The following KMT2C variants were observed in gnomAD, a reference collection of about 807,000 sequenced individuals.
KMT2C encodes the protein histone-lysine N-methyltransferase 2C.
In KMT2C, 88 loss-of-function variants were observed where a neutral mutation model predicts 507.9. The ratio of observed to expected loss-of-function variants is 0.17; its 90% confidence interval spans 0.15 to 0.21. KMT2C has a LOEUF of 0.21. Ranked by LOEUF, KMT2C falls within the 10% of genes least tolerant of loss-of-function variation. The pLI is 1.00. For synonymous variants in KMT2C, 2,049 were observed against 2,080.8 expected, an observed-to-expected ratio of 0.98 and a Z score of 0.42; for missense variants, 4,954 against 5,957.8, an observed-to-expected ratio of 0.83 and a Z score of 5.55.
At chr7:152,431,262 T>C (rs889702708) in intron 1 of KMT2C, among the ~76,000 whole-genome samples, 10 of 152,224 alleles carry the variant, frequency 6.6e-5, no homozygotes, top group Non-Finnish European at 1.2e-4. Flanking sequence ...AAACAATATA[T>C]AAATTTGTAT....
At chr7:152,241,611 A>G (rs1265913529) in intron 14 of KMT2C, among the ~76,000 whole-genome samples, 2 of 152,224 alleles carry the variant, frequency 1.3e-5, no homozygotes, top group African/African-American at 4.8e-5. Flanking sequence ...CTCTCATTGC[A>G]TCACCACCTA....
Position 152,154,402 on chromosome 7 carries a change from C to T in KMT2C, c.12004G>A (p.Val4002Ile), listed in dbSNP as rs144562920. Residue 4002 changes from valine to isoleucine, a missense_variant, in exon 47 of 59, where the codon GTT becomes ATT. Coordinates refer to ENST00000262189, the MANE Select transcript of KMT2C (RefSeq NM_170606.3). Reference sequence around the variant, plus strand: ...ACACTCTCAGGAGAGGATGAGGGAACAAAACTGTCAGGAGTATCTCGATCA... The same window carrying T: ...ACACTCTCAGGAGAGGATGAGGGAATAAAACTGTCAGGAGTATCTCGATCA... ...CGDRDTPDSF[V>I]PSSSPESVVG... 3 of 1,614,068 alleles carry T rather than the reference C, an allele frequency of 1.9e-6. No homozygotes were observed. Among genetic ancestry groups the T allele is most frequent in the African/African-American group, 2.7e-5 (2 of 75,026 alleles).
chr7:152,188,234 T>C (rs1381382004), intron 31 of KMT2C, among the ~76,000 whole-genome samples: 3 of 152,236 alleles, frequency 2.0e-5, no homozygotes, highest in Non-Finnish European at 4.4e-5. Context: ...TTTTGAAATA[T>C]GATCTCTACA....
At chr7:152,334,884 C>T (rs572260515) in intron 2 of KMT2C, among the ~76,000 whole-genome samples, 1 of 152,274 alleles carries the variant, frequency 6.6e-6, no homozygotes, top group East Asian at 1.9e-4. Flanking sequence ...TTTATTTAAG[C>T]CACTGCTATA....
intron 1 of KMT2C, among the ~76,000 whole-genome samples, chr7:152,408,016 G>T: frequency 7.2e-6 from 1 of 138,130 alleles, no homozygotes. Flanking sequence ...GTGGCCGGGT[G>T]GGGTGGCTCA....
intron 7 of KMT2C, among the ~76,000 whole-genome samples, chr7:152,265,987 C>T (rs1369011936): frequency 2.6e-5 from 4 of 152,240 alleles, no homozygotes; most frequent in African/African-American, 9.6e-5. Context: ...TACAGTTAAA[C>T]TTATGCATAC....
chr7:152,417,299 A>G (rs775494263), intron 1 of KMT2C, among the ~76,000 whole-genome samples: 17 of 152,024 alleles, frequency 1.1e-4, no homozygotes, highest in Non-Finnish European at 1.8e-4. Context: ...TTGTATTTTT[A>G]CTAGAGATGG....
intron 14 of KMT2C, among the ~76,000 whole-genome samples, chr7:152,239,820 C>A (rs2095351182): frequency 6.6e-6 from 1 of 152,092 alleles, no homozygotes; most frequent in African/African-American, 2.4e-5. Flanking sequence ...AAACTTAAGA[C>A]AAGGTACATA....
chr7:152,187,428 A>G lies in KMT2C; in HGVS notation c.4842T>C (p.Ser1614=), dbSNP rs973105031. 6.2e-7 allele frequency: 1 copy of G among 1,614,148 alleles called. No individual in the cohort carries two copies. Among genetic ancestry groups the G allele is most frequent in the Middle Eastern group, 1.6e-4 (1 of 6,062 alleles). ...FNPMASDPNN[S]WTSSAPTVEG... is the part of the protein sequence containing the mutation. ...CCACAGTGGGAGCTGATGATGTCCA[A>G]GAGTTGTTAGGATCACTTGCCATTG... The change falls in exon 33 of 59, where the codon TCT becomes TCC. Residue 1614 remains serine, a synonymous_variant. Transcript: ENST00000262189.
At chr7:152,368,891 T>G (rs2097269253) in intron 1 of KMT2C, among the ~76,000 whole-genome samples, 1 of 152,212 alleles carries the variant, frequency 6.6e-6, no homozygotes, top group Non-Finnish European at 1.5e-5. Flanking sequence ...TTCCTACATT[T>G]TCTTTTTCTT....
At chr7:152,137,246 A>G (rs1285452743) in intron 58 of KMT2C, 2 of 228,556 alleles carry the variant, frequency 8.8e-6, no homozygotes, top group Admixed American at 1.1e-4. Context: ...CTGCTTTCCT[A>G]GCCCTCTCCC....
At chr7:152,319,048 G>T (rs750605649) in intron 3 of KMT2C, among the ~76,000 whole-genome samples, 11 of 151,964 alleles carry the variant, frequency 7.2e-5, no homozygotes, top group Non-Finnish European at 1.3e-4. Context: ...TCACACCTAA[G>T]TACTTAATAT....
chr7:152,286,077 T>C lies in KMT2C; in HGVS notation c.850-12210A>G, dbSNP rs969175667. 2.0e-5 allele frequency among the ~76,000 whole-genome samples: 3 copies of C among 152,420 alleles called. No individual in the cohort carries two copies. The South Asian group carries it at 6.2e-4, about 32-fold the overall frequency. The stretch of plus-strand genomic sequence containing the variant: ...TAACAAGAGATTGGTAGAAAATTGG[T>C]CCATCTCCTTGAAAATACATGAATA... On this transcript the variant is annotated intron_variant, in intron 6 of 58. Transcript: ENST00000262189.
chr7:152,427,145 A>C (rs1212302389), intron 1 of KMT2C, among the ~76,000 whole-genome samples: 1 of 152,050 alleles, frequency 6.6e-6, no homozygotes, highest in Non-Finnish European at 1.5e-5. Context: ...CCTCCCGAGT[A>C]GCTGGGATTA....
chr7:152,350,296 G>T (rs1010169101), intron 2 of KMT2C, among the ~76,000 whole-genome samples: 1 of 152,096 alleles, frequency 6.6e-6, no homozygotes, highest in Non-Finnish European at 1.5e-5. Context: ...AAAAACTTAT[G>T]CTAGAAGTAA....
At chr7:152,180,222 T>C in intron 36 of KMT2C, 96 bp from the exon 37 acceptor site, 1 of 1,344,772 alleles carries the variant, frequency 7.4e-7, no homozygotes, top group South Asian at 1.2e-5. Flanking sequence ...GATCTTGCTA[T>C]GTTGCCCAGG....
chr7:152,302,188 T>A (rs2096575262), intron 6 of KMT2C, among the ~76,000 whole-genome samples: 2 of 152,084 alleles, frequency 1.3e-5, no homozygotes. Flanking sequence ...ACCAATTCTA[T>A]GAGGGGAGAC....
Position 152,176,889 on chromosome 7 carries a change from T to C in KMT2C, c.8564A>G (p.Gln2855Arg), listed in dbSNP as rs2129113822. The change falls in exon 38 of 59, where the codon CAG (glutamine) becomes CGG (arginine). Residue 2855 changes from glutamine to arginine, a missense_variant. By Grantham distance (43) the Gln-to-Arg change is conservative. Around this residue, in one of 29 missense-constraint regions of KMT2C, gnomAD observed 1,689 missense variants for 1,654.3 expected, o/e 1.02. Coordinates refer to ENST00000262189, the MANE Select transcript of KMT2C (RefSeq NM_170606.3). Reference protein sequence around the residue: ...NKDNVDTPCSQASAHSDLNDG... With the variant: ...NKDNVDTPCSRASAHSDLNDG... Reference sequence around the variant, plus strand: ...ATTTAGGTCTGAGTGAGCAGAAGCCTGTGAGCAAGGAGTGTCAACATTATC... The same window carrying C: ...ATTTAGGTCTGAGTGAGCAGAAGCCCGTGAGCAAGGAGTGTCAACATTATC... The C allele has an allele frequency of 6.2e-7, 1 of 1,614,228 alleles. No homozygotes were observed. Among genetic ancestry groups the C allele is most frequent in the Non-Finnish European group, 8.5e-7 (1 of 1,180,020 alleles).
In KMT2C at chr7:152,136,568, A is replaced by G; in HGVS notation, c.*264T>C. On this transcript the variant is annotated 3_prime_UTR_variant, in exon 59 of 59. Coordinates refer to ENST00000262189, the MANE Select transcript of KMT2C (RefSeq NM_170606.3). Reference sequence around the variant, plus strand: ...AACAAAAAACAAACAAAAAAAAAAGAAAAGGAAAAGAAAAAAAAGCAAAAG... The same window carrying G: ...AACAAAAAACAAACAAAAAAAAAAGGAAAGGAAAAGAAAAAAAAGCAAAAG... 2.6e-6 allele frequency: 1 copy of G among 378,348 alleles called. No homozygotes were observed. The highest frequency in any genetic ancestry group is 4.8e-6 in the Non-Finnish European group (1 of 210,466). The allele number at this position is 378,348 out of a possible 1,614,324, so 23.4% of individuals were successfully genotyped here. A position where few individuals can be genotyped will look rare whatever the true frequency, so the allele number is the denominator to read the frequency against.
Sources: allele counts gnomAD v4.1 joint callset (sites outside exome capture counted in the v4.1 genomes callset), GRCh38; gene constraint gnomAD v4.1.1; regional missense constraint gnomAD v4.1.1; transcripts MANE v1.5; gene names NCBI Gene and HGNC (gene_info 2026-07-23, HGNC 2026-07-21).